Variants in ARHGAP21 observed in about 807,000 individuals in gnomAD.
ARHGAP21 encodes the protein Rho GTPase activating protein 21, also known as rho GTPase-activating protein 21.
ARHGAP21 carries 38 observed loss-of-function variants against 164.6 expected under a neutral mutation model. The observed-to-expected ratio is 0.23, with a 90% confidence interval of 0.18 to 0.30. The LOEUF is 0.30. Among genes scored for constraint, ARHGAP21 ranks in the 10% least tolerant of loss-of-function variants. The pLI, the probability that ARHGAP21 is intolerant of heterozygous loss-of-function variation, is 1.00. For missense variants in ARHGAP21, 1,822 were observed against 2,370.7 expected (o/e 0.77, Z 4.81); for synonymous variants, 766 against 857.9 (o/e 0.89, Z 1.87).
chr10:24,631,666 G>A (rs554612937), intron 6 of ARHGAP21, among the ~76,000 whole-genome samples: 5 of 152,288 alleles, frequency 3.3e-5, no homozygotes, highest in East Asian at 1.9e-4. Context: ...AATATTTAGA[G>A]TTGGTAGAAA....
chr10:24,642,458 T>G (rs1026083661), intron 4 of ARHGAP21, among the ~76,000 whole-genome samples: 1 of 137,778 alleles, frequency 7.3e-6, no homozygotes, highest in Non-Finnish European at 1.5e-5. Flanking sequence ...GAGCTTGCAG[T>G]GAGCCAAGAT....
chr10:24,720,412 C>G (rs1331146896), intron 2 of ARHGAP21, among the ~76,000 whole-genome samples: 1 of 152,170 alleles, frequency 6.6e-6, no homozygotes, highest in African/African-American at 2.4e-5. Context: ...CACCAGGTTG[C>G]AGGTAGGCCT....
chr10:24,718,219 T>A (rs1845585565), intron 2 of ARHGAP21, among the ~76,000 whole-genome samples: 1 of 152,134 alleles, frequency 6.6e-6, no homozygotes, highest in South Asian at 2.1e-4. Flanking sequence ...AAATAGATGG[T>A]AGTGCTACTC....
At chr10:24,709,048 T>TA (rs954893262) in intron 2 of ARHGAP21, among the ~76,000 whole-genome samples, 2 of 151,968 alleles carry the variant, frequency 1.3e-5, no homozygotes. Context: ...AAGACCCAAA[T>TA]AAAAAAATCA....
At chr10:24,642,892 C>T (rs1057247528) in intron 4 of ARHGAP21, among the ~76,000 whole-genome samples, 1 of 152,124 alleles carries the variant, frequency 6.6e-6, no homozygotes, top group African/African-American at 2.4e-5. Context: ...ACAGTAGATG[C>T]TCAATAAATG....
At chr10:24,603,161 C>T (rs1359117864) in intron 12 of ARHGAP21, among the ~76,000 whole-genome samples, 1 of 152,142 alleles carries the variant, frequency 6.6e-6, no homozygotes, top group East Asian at 1.9e-4. Context: ...GTCAGAACAA[C>T]TCTAGGCATT....
At chr10:24,723,154 T>A (rs1316674166) in intron 1 of ARHGAP21, 1 of 150,840 alleles carries the variant, frequency 6.6e-6, no homozygotes, top group African/African-American at 2.4e-5. Context: ...CCGGGGGCCT[T>A]ACCCTTCCCG....
chr10:24,596,590 G>C (rs1048875317), intron 17 of ARHGAP21, 150 bp downstream of exon 17: 3 of 1,016,386 alleles, frequency 3.0e-6, no homozygotes, highest in Non-Finnish European at 4.3e-6. Flanking sequence ...AAGCATTACA[G>C]GTCAGAAATA....
chr10:24,642,431 C>T (rs903790436), intron 4 of ARHGAP21, among the ~76,000 whole-genome samples: 3 of 146,960 alleles, frequency 2.0e-5, no homozygotes, highest in Non-Finnish European at 3.0e-5. Context: ...AGGAGAATGG[C>T]GTGAACCTGG....
chr10:24,594,900 T>C (rs780908413), intron 21 of ARHGAP21, 50 bp downstream of exon 21: 1 of 1,458,356 alleles, frequency 6.9e-7, no homozygotes, highest in Non-Finnish European at 9.5e-7. Flanking sequence ...AGCATATCTT[T>C]TAAACTAAAG....
At chr10:24,628,872 T>TAC (rs1565053511) in intron 7 of ARHGAP21, 1 of 108,702 alleles carries the variant, frequency 9.2e-6, no homozygotes, top group Non-Finnish European at 1.9e-5. Flanking sequence ...CATATATACA[T>TAC]ACATATATAC....
intron 2 of ARHGAP21, chr10:24,706,382 AT>A (rs1302592283): frequency 6.6e-6 from 1 of 152,248 alleles, no homozygotes; most frequent in African/African-American, 2.4e-5. Context: ...CAAAAAAAAA[AT>A]TCTAAAAGAT....
intron 2 of ARHGAP21, among the ~76,000 whole-genome samples, chr10:24,720,198 CTAGCCAAGGACAAGATGTGTCTAAATT>C (rs771742516): frequency 4.7e-5 from 7 of 147,574 alleles, no homozygotes; most frequent in Non-Finnish European, 8.9e-5. Flanking sequence ...ATACTGCTTG[CTAGCCAAGGACAAGATGTGTCTAAATT>C]CTTGGTTTCA....
At chr10:24,652,535 T>A (rs1838289077) in intron 4 of ARHGAP21, among the ~76,000 whole-genome samples, 1 of 152,058 alleles carries the variant, frequency 6.6e-6, no homozygotes, top group African/African-American at 2.4e-5. Context: ...AATACGAAAC[T>A]GAAAGGCAAG....
chr10:24,632,917 G>A (rs1197039097), intron 6 of ARHGAP21, among the ~76,000 whole-genome samples: 1 of 152,132 alleles, frequency 6.6e-6, no homozygotes, highest in Admixed American at 6.5e-5. Context: ...TAACTTTAGA[G>A]CTCAAAATCC....
At chr10:24,627,244 A>T (rs1034385788) in intron 7 of ARHGAP21, among the ~76,000 whole-genome samples, 2 of 152,216 alleles carry the variant, frequency 1.3e-5, no homozygotes, top group Non-Finnish European at 2.9e-5. Flanking sequence ...GGCTGTAAAA[A>T]TGTTCACATT....
intron 2 of ARHGAP21, among the ~76,000 whole-genome samples, chr10:24,676,506 G>A (rs1364953445): frequency 6.6e-6 from 1 of 152,192 alleles, no homozygotes; most frequent in African/African-American, 2.4e-5. Context: ...GACATACAGA[G>A]GGGAAAAATA....
chr10:24,656,497 G>A (rs1181020864), intron 4 of ARHGAP21, among the ~76,000 whole-genome samples: 22 of 65,368 alleles, frequency 3.4e-4, no homozygotes, highest in East Asian at 4.7e-4. Context: ...CCGGCCAGCC[G>A]CCCCGTCCGG....
chr10:24,609,837 A>C (rs1179136782), intron 9 of ARHGAP21, among the ~76,000 whole-genome samples: 1 of 152,218 alleles, frequency 6.6e-6, no homozygotes, highest in South Asian at 2.1e-4. Context: ...GGAAAACAAA[A>C]ATTTTTCATC....
Sources: allele counts gnomAD v4.1 joint callset (sites outside exome capture counted in the v4.1 genomes callset), GRCh38; gene constraint gnomAD v4.1.1; transcripts MANE v1.5; gene names NCBI Gene and HGNC (gene_info 2026-07-23, HGNC 2026-07-21).